WDR41: variants seen among roughly 807,000 people sequenced by gnomAD.
WDR41 encodes the protein WD repeat domain 41.
Under a neutral mutation model 69.3 loss-of-function variants are expected in WDR41, and 63 were observed. The observed-to-expected ratio is 0.91, with a 90% confidence interval of 0.74 to 1.12. The LOEUF (loss-of-function observed/expected upper bound fraction) is 1.12, where lower values mean the gene tolerates loss of function less well. WDR41 is among the 50% of genes most tolerant of loss of function. The pLI, the probability that WDR41 is intolerant of heterozygous loss-of-function variation, is 0.00. For missense variants in WDR41, 543 were observed against 534.5 expected (o/e 1.02, Z -0.16); for synonymous variants, 185 against 192.1 (o/e 0.96, Z 0.31).
At chr5:77,582,316 TA>T in intron 1 of WDR41, 1 of 1,487,572 alleles carries the variant, frequency 6.7e-7, no homozygotes, top group East Asian at 2.3e-5. Context: ...CATAGATATA[TA>T]ACAAGTTAAC....
Position 77,487,620 on chromosome 5 carries a change from G to A in WDR41, c.167+1837C>T, listed in dbSNP as rs1445629801. Among the ~76,000 whole-genome samples the A allele has an allele frequency of 2.0e-5, 3 of 152,166 alleles. 1 individual carries two copies. Among genetic ancestry groups the A allele is most frequent in the Admixed American group, 1.3e-4 (2 of 15,282 alleles). ...CCTAGAAGGGAGTCTCTAAATCCTT[G>A]GAATTTTCCAAGTGGTAAGAATGTC... On this transcript the variant is annotated intron_variant, in intron 2 of 12. Transcript: ENST00000296679.
At chr5:77,441,499 G>A (rs1007254853) in intron 8 of WDR41, among the ~76,000 whole-genome samples, 5 of 152,142 alleles carry the variant, frequency 3.3e-5, no homozygotes, top group Non-Finnish European at 7.4e-5. Context: ...AGCACTTTGG[G>A]AAGCCGAGGC....
chr5:77,443,167 A>C (rs557542052), intron 8 of WDR41, among the ~76,000 whole-genome samples: 29 of 152,224 alleles, frequency 1.9e-4, no homozygotes, highest in Non-Finnish European at 4.0e-4. Flanking sequence ...ATGAGTGACT[A>C]AAAATCAAAT....
intron 1 of WDR41, among the ~76,000 whole-genome samples, chr5:77,519,076 G>T (rs551689040): frequency 1.6e-3 from 242 of 151,994 alleles, no homozygotes; most frequent in Non-Finnish European, 2.8e-3. Context: ...AATATAATTT[G>T]TGTATTCAAT....
At chr5:77,519,345 C>G (rs1581783459) in intron 1 of WDR41, among the ~76,000 whole-genome samples, 1 of 151,870 alleles carries the variant, frequency 6.6e-6, no homozygotes, top group Admixed American at 6.6e-5. Context: ...ATCAATTATA[C>G]TGTATGACTT....
intron 1 of WDR41, among the ~76,000 whole-genome samples, chr5:77,504,783 A>T (rs1251407420): frequency 1.3e-5 from 2 of 152,238 alleles, no homozygotes; most frequent in African/African-American, 4.8e-5. Context: ...CCACATGATT[A>T]TCTCAATAGA....
chr5:77,471,355 CAATT>C lies in WDR41; in HGVS notation c.168-6550_168-6547del, dbSNP rs757006793. 3.0e-4 allele frequency among the ~76,000 whole-genome samples: 46 copies of C among 152,178 alleles called. No homozygotes were observed. The Middle Eastern group carries it at 0.01, about 34-fold the overall frequency. On this transcript the variant is annotated intron_variant, in intron 2 of 12. Coordinates refer to ENST00000296679, the MANE Select transcript of WDR41 (RefSeq NM_018268.4). The stretch of plus-strand genomic sequence containing the variant: ...ATCTAAAATTGACACCCTAACATCA[CAATT>C]AAAAGAACTAGAAAAGCAAGAGCAA...
At chr5:77,536,549 G>C (rs1742987025) in intron 1 of WDR41, among the ~76,000 whole-genome samples, 1 of 152,104 alleles carries the variant, frequency 6.6e-6, no homozygotes, top group African/African-American at 2.4e-5. Context: ...TAAGAGTTAA[G>C]TACAGTCATG....
Position 77,449,648 on chromosome 5 carries a change from A to C in WDR41, c.697+112T>G, listed in dbSNP as rs146848902. The C allele has an allele frequency of 5.3e-3, 3,758 of 709,510 alleles. 13 individuals carry two copies. Among genetic ancestry groups the C allele is most frequent in the Non-Finnish European group, 7.4e-3 (3,134 of 424,016 alleles). The allele number at this position is 709,510 out of a possible 1,614,324, so 44.0% of individuals were successfully genotyped here. The stretch of plus-strand genomic sequence containing the variant: ...CAGAGTAAAAGAGAATGACAATCCC[A>C]TTATTTTAGTGACTTATTCTAGAAT... On this transcript the variant is annotated intron_variant, in intron 8 of 12. Coordinates refer to ENST00000296679, the MANE Select transcript of WDR41 (RefSeq NM_018268.4).
intron 8 of WDR41, 58 bp downstream of exon 8, chr5:77,449,702 A>C: frequency 8.9e-7 from 1 of 1,129,110 alleles, no homozygotes; most frequent in Non-Finnish European, 1.3e-6. Flanking sequence ...TCGTGTTCAG[A>C]GCAGGTTGTG....
intron 1 of WDR41, among the ~76,000 whole-genome samples, 192 bp from the exon 2 acceptor site, chr5:77,489,764 A>G (rs1412843088): frequency 3.3e-5 from 5 of 152,250 alleles, no homozygotes; most frequent in Non-Finnish European, 5.9e-5. Flanking sequence ...CCAGTTCCAC[A>G]TAAAACACTT....
chr5:77,468,652 A>G (rs1007660869), intron 2 of WDR41, among the ~76,000 whole-genome samples: 1 of 152,224 alleles, frequency 6.6e-6, no homozygotes, highest in African/African-American at 2.4e-5. Flanking sequence ...AGTATAGTCC[A>G]TAAACCTGAA....
At chr5:77,573,687 G>C (rs559052148) in intron 1 of WDR41, among the ~76,000 whole-genome samples, 1 of 152,238 alleles carries the variant, frequency 6.6e-6, no homozygotes, top group Non-Finnish European at 1.5e-5. Flanking sequence ...TTATAGAAAG[G>C]GGGAGAGATG....
intron 1 of WDR41, among the ~76,000 whole-genome samples, chr5:77,543,636 C>G (rs1036514382): frequency 6.6e-6 from 1 of 151,966 alleles, no homozygotes; most frequent in Non-Finnish European, 1.5e-5. Flanking sequence ...ATGAACAAAG[C>G]CTCCAAGAAG....
intron 1 of WDR41, among the ~76,000 whole-genome samples, chr5:77,578,387 T>C (rs531854153): frequency 3.4e-4 from 51 of 152,156 alleles, no homozygotes; most frequent in Non-Finnish European, 6.2e-4. Context: ...GGCAGTTTAG[T>C]ATCCATAGTA....
chr5:77,609,073 A>G (rs2112336663), intron 1 of WDR41, among the ~76,000 whole-genome samples: 1 of 152,300 alleles, frequency 6.6e-6, no homozygotes, highest in East Asian at 1.9e-4. Context: ...GTCTGAGATC[A>G]AACTGCAAGG....
chr5:77,583,255 C>T (rs971227042), intron 1 of WDR41: 8 of 621,882 alleles, frequency 1.3e-5, no homozygotes, highest in Non-Finnish European at 1.9e-5. Context: ...GGCGCCGTCC[C>T]TGTTATCTCA....
At chr5:77,534,468 C>T (rs890859438) in intron 1 of WDR41, among the ~76,000 whole-genome samples, 1 of 152,056 alleles carries the variant, frequency 6.6e-6, no homozygotes, top group African/African-American at 2.4e-5. Context: ...CAGAGTCTCA[C>T]TGTCACCCAG....
At chr5:77,590,322 A>C (rs942775750) in intron 1 of WDR41, among the ~76,000 whole-genome samples, 3 of 152,152 alleles carry the variant, frequency 2.0e-5, no homozygotes, top group Non-Finnish European at 4.4e-5. Flanking sequence ...TCCTTTCACG[A>C]TAGGTTCACA....
Sources: gnomAD v4.1 joint callset for allele counts (sites outside exome capture counted in the v4.1 genomes callset) on GRCh38, gnomAD v4.1.1 for gene constraint, MANE v1.5 for transcripts, NCBI Gene and HGNC (gene_info 2026-07-23, HGNC 2026-07-21) for gene names.